TMPRSS11F: variants seen among roughly 807,000 people sequenced by gnomAD.
TMPRSS11F encodes the protein transmembrane protease serine 11F.
TMPRSS11F carries 47 observed loss-of-function variants against 60.2 expected under a neutral mutation model. The ratio of observed to expected loss-of-function variants is 0.78; its 90% CI spans 0.62 to 1.00. The LOEUF is 1.00. Ranked by LOEUF, TMPRSS11F falls within the 50% of genes least tolerant of loss-of-function variation. The probability of loss-of-function intolerance (pLI) is 0.00; values close to 1 mark genes in which losing one functional copy is unlikely to be tolerated. For missense variants in TMPRSS11F, 519 were observed against 522.9 expected, an observed-to-expected ratio of 0.99 and a Z score of 0.07; for synonymous variants, 166 against 167.3, an observed-to-expected ratio of 0.99 and a Z score of 0.06.
chr4:68,101,072 A>G (rs926689301), intron 1 of TMPRSS11F, among the ~76,000 whole-genome samples: 1 of 152,168 alleles, frequency 6.6e-6, no homozygotes, highest in Non-Finnish European at 1.5e-5. Flanking sequence ...AAGTTTAATA[A>G]AATGTAAGGG....
At chr4:68,106,502 G>C (rs1175178013) in intron 1 of TMPRSS11F, among the ~76,000 whole-genome samples, 1 of 152,062 alleles carries the variant, frequency 6.6e-6, no homozygotes, top group Non-Finnish European at 1.5e-5. Flanking sequence ...AAATGTCCTT[G>C]GATTTCTCAA....
chr4:68,060,554 CTAGT>C (rs141045749), intron 8 of TMPRSS11F, among the ~76,000 whole-genome samples: 83,126 of 122,728 alleles, frequency 0.68, 29,900 homozygotes, highest in East Asian at 0.88. Flanking sequence ...TATATTAACA[CTAGT>C]TTTTTTTTCA....
chr4:68,090,696 C>T (rs538283668), intron 2 of TMPRSS11F, 55 bp from the exon 3 acceptor site: 87 of 1,553,020 alleles, frequency 5.6e-5, no homozygotes, highest in Non-Finnish European at 7.6e-5. Flanking sequence ...GTTGTTTTGT[C>T]CCCTACGTCT....
At chr4:68,101,250 A>G (rs1038284903) in intron 1 of TMPRSS11F, among the ~76,000 whole-genome samples, 2 of 152,172 alleles carry the variant, frequency 1.3e-5, no homozygotes, top group African/African-American at 4.8e-5. Flanking sequence ...GGAAGTTGAA[A>G]TAAGTTTTAC....
chr4:68,092,787 A>G (rs1045008561), intron 2 of TMPRSS11F, among the ~76,000 whole-genome samples: 11 of 152,180 alleles, frequency 7.2e-5, no homozygotes, highest in African/African-American at 2.7e-4. Context: ...TATCATATAC[A>G]TATCCCTATA....
chr4:68,085,733 T>C (rs1289316373), intron 3 of TMPRSS11F, among the ~76,000 whole-genome samples: 1 of 152,060 alleles, frequency 6.6e-6, no homozygotes, highest in Non-Finnish European at 1.5e-5. Flanking sequence ...GAAAGATCCG[T>C]CATGCAAACA....
At chr4:68,112,147 C>T (rs1490682570) in intron 1 of TMPRSS11F, among the ~76,000 whole-genome samples, 2 of 152,176 alleles carry the variant, frequency 1.3e-5, no homozygotes, top group Non-Finnish European at 2.9e-5. Context: ...ATAGCATGAA[C>T]TCATACCTTT....
chr4:68,055,585 G>T (rs1273732384), intron 9 of TMPRSS11F, among the ~76,000 whole-genome samples: 3 of 152,098 alleles, frequency 2.0e-5, no homozygotes, highest in Admixed American at 1.3e-4. Flanking sequence ...TAATTAAAAA[G>T]TCTCCCACCA....
At chr4:68,060,030 A>G (rs1425997737) in intron 8 of TMPRSS11F, among the ~76,000 whole-genome samples, 3 of 152,182 alleles carry the variant, frequency 2.0e-5, no homozygotes, top group African/African-American at 7.2e-5. Context: ...AGGATACTGC[A>G]CAGTTGAATA....
At chr4:68,109,457 C>G (rs1356008017) in intron 1 of TMPRSS11F, among the ~76,000 whole-genome samples, 1 of 151,972 alleles carries the variant, frequency 6.6e-6, no homozygotes, top group Non-Finnish European at 1.5e-5. Context: ...AATTATACAC[C>G]AGGTGGATAT....
At chr4:68,092,701 T>A (rs372524583) in intron 2 of TMPRSS11F, among the ~76,000 whole-genome samples, 1 of 145,262 alleles carries the variant, frequency 6.9e-6, no homozygotes, top group Non-Finnish European at 1.5e-5. Flanking sequence ...TGATAAGATT[T>A]CACAATTAAA....
chr4:68,093,044 G>T (rs1444011153), intron 2 of TMPRSS11F, among the ~76,000 whole-genome samples: 1 of 151,862 alleles, frequency 6.6e-6, no homozygotes, highest in Non-Finnish European at 1.5e-5. Flanking sequence ...GCCATTTATT[G>T]AATCTTTATT....
Position 68,129,837 on chromosome 4 carries a change from C to A in TMPRSS11F, c.-17G>T. 1 of 1,613,160 alleles carries A rather than the reference C, an allele frequency of 6.2e-7. No homozygotes were observed. On this transcript the variant is annotated 5_prime_UTR_variant, in exon 1 of 10. Transcript: ENST00000356291. Reference sequence around the variant, plus strand: ...GTACATCATGAACCCAGGACTGGGGCAGCTTCTATTCAGTCACCATCTGAT... The same window carrying A: ...GTACATCATGAACCCAGGACTGGGGAAGCTTCTATTCAGTCACCATCTGAT...
chr4:68,123,178 C>A (rs1160698275), intron 1 of TMPRSS11F, among the ~76,000 whole-genome samples: 1 of 152,152 alleles, frequency 6.6e-6, no homozygotes. Flanking sequence ...GGTAGCTAAG[C>A]AGCTAAATGA....
chr4:68,102,989 T>TA (rs1724223570), intron 1 of TMPRSS11F, among the ~76,000 whole-genome samples: 2 of 151,512 alleles, frequency 1.3e-5, no homozygotes, highest in African/African-American at 2.4e-5. Flanking sequence ...GAGTTGTTTT[T>TA]TTTTTTTTTG....
At chr4:68,097,452 C>A (rs955468111) in intron 2 of TMPRSS11F, among the ~76,000 whole-genome samples, 1 of 152,112 alleles carries the variant, frequency 6.6e-6, no homozygotes, top group Non-Finnish European at 1.5e-5. Context: ...GACCTTCTTT[C>A]CTCCCTTTTA....
At chr4:68,073,484 G>C (rs1002083379) in intron 4 of TMPRSS11F, among the ~76,000 whole-genome samples, 2 of 151,506 alleles carry the variant, frequency 1.3e-5, no homozygotes, top group Non-Finnish European at 2.9e-5. Flanking sequence ...AAGTCAAGAA[G>C]GTATGAAAGA....
At chr4:68,102,902 C>T (rs1724221179) in intron 1 of TMPRSS11F, among the ~76,000 whole-genome samples, 3 of 151,368 alleles carry the variant, frequency 2.0e-5, no homozygotes, top group Admixed American at 1.3e-4. Flanking sequence ...GGCCAATGTC[C>T]AGGAGCTTTT....
intron 1 of TMPRSS11F, among the ~76,000 whole-genome samples, chr4:68,120,097 G>A (rs774294839): frequency 3.3e-5 from 5 of 152,194 alleles, no homozygotes; most frequent in African/African-American, 7.2e-5. Context: ...AGTGGAACCT[G>A]AAGACATGAC....
Sources: allele counts gnomAD v4.1 joint callset (sites outside exome capture counted in the v4.1 genomes callset), GRCh38; gene constraint gnomAD v4.1.1; transcripts MANE v1.5; gene names NCBI Gene and HGNC (gene_info 2026-07-23, HGNC 2026-07-21).